Variants in TET3 observed in about 807,000 individuals in gnomAD.
TET3 encodes the protein tet methylcytosine dioxygenase 3.
TET3 carries 19 observed loss-of-function variants against 141.4 expected under a neutral mutation model. The ratio of observed to expected loss-of-function variants is 0.13; its 90% confidence interval spans 0.09 to 0.20. The LOEUF (loss-of-function observed/expected upper bound fraction) is 0.20. Ranked by LOEUF, TET3 falls within the 10% of genes least tolerant of loss-of-function variation. The probability of loss-of-function intolerance (pLI) is 1.00; values close to 1 mark genes in which losing one functional copy is unlikely to be tolerated. For synonymous variants in TET3, 1,043 were observed against 980.9 expected, an observed-to-expected ratio of 1.06 and a Z score of -1.18; for missense variants, 1,874 against 2,356.9, an observed-to-expected ratio of 0.80 and a Z score of 4.24.
chr2:74,085,934 TCTC>T (rs1690130166), intron 6 of TET3, among the ~76,000 whole-genome samples: 1 of 152,308 alleles, frequency 6.6e-6, no homozygotes, highest in South Asian at 2.1e-4. Flanking sequence ...AATCCATTCT[TCTC>T]CTGTTTTCTT....
At chr2:74,130,363 G>A in the TET3 span, among the ~76,000 whole-genome samples, 1 of 152,244 alleles carries the variant, frequency 6.6e-6, no homozygotes, top group African/African-American at 2.4e-5. Flanking sequence ...CCTAAGGGTA[G>A]AGCTGACTCC....
intron 3 of TET3, among the ~76,000 whole-genome samples, chr2:74,037,687 A>G (rs1222516128): frequency 2.0e-5 from 3 of 152,174 alleles, no homozygotes; most frequent in Non-Finnish European, 2.9e-5. Flanking sequence ...TTCTTCTAAT[A>G]TGGTGTGTAA....
At position 74,087,551 on chromosome 2, in the gene TET3, T is replaced by C. The variant is rs1690229233; in HGVS notation, c.2680-279T>C. Among the ~76,000 whole-genome samples, 1 of 152,254 alleles carries C rather than the reference T, an allele frequency of 6.6e-6. No individual in the cohort carries two copies. The highest frequency in any genetic ancestry group is 1.5e-5 in the Non-Finnish European group (1 of 68,050). ...TTTACTCCTAAGCCTATGTAAGTCATCAGCAACTTAGATTTTGTGGTAATT... is the reference window on the plus strand; with the variant it reads ...TTTACTCCTAAGCCTATGTAAGTCACCAGCAACTTAGATTTTGTGGTAATT... On this transcript the variant is annotated intron_variant, in intron 6 of 11. Coordinates refer to ENST00000409262, the MANE Select transcript of TET3 (RefSeq NM_001287491.2). This position sits in a 1 kb window ranked among gnomAD's most constrained non-coding sequence, Gnocchi z 4.3.
intron 10 of TET3, among the ~76,000 whole-genome samples, chr2:74,096,777 A>G (rs868625904): frequency 2.3e-4 from 33 of 145,330 alleles, no homozygotes; most frequent in Middle Eastern, 3.9e-3. Context: ...TCAAAAAAAA[A>G]AAAGAAAGAA....
the TET3 span, among the ~76,000 whole-genome samples, chr2:74,132,244 G>A: frequency 6.6e-6 from 1 of 152,134 alleles, no homozygotes; most frequent in African/African-American, 2.4e-5. Context: ...GGTTAGTCCA[G>A]GTGGCTCCTA....
chr2:73,989,468 C>T (rs752154530), intron 2 of TET3, among the ~76,000 whole-genome samples: 1 of 152,118 alleles, frequency 6.6e-6, no homozygotes, highest in Non-Finnish European at 1.5e-5. Flanking sequence ...TTATATCATC[C>T]TGTAAGGAGG....
the TET3 span, among the ~76,000 whole-genome samples, chr2:74,128,725 T>C: frequency 6.6e-6 from 1 of 150,408 alleles, no homozygotes; most frequent in Admixed American, 6.6e-5. Context: ...GGCTTATGCT[T>C]GTAATCCCAA....
At chr2:73,996,438 C>T (rs1386311527) in intron 2 of TET3, among the ~76,000 whole-genome samples, 1 of 152,132 alleles carries the variant, frequency 6.6e-6, no homozygotes, top group Non-Finnish European at 1.5e-5. Flanking sequence ...GTTGCCACAC[C>T]CAGGGTGGAC....
At chr2:74,130,341 T>C in the TET3 span, among the ~76,000 whole-genome samples, 1 of 152,304 alleles carries the variant, frequency 6.6e-6, no homozygotes, top group East Asian at 1.9e-4. Context: ...GTCAGCTTCC[T>C]GGAATGAGGT....
At position 74,046,381 on chromosome 2, in the gene TET3, C is replaced by T. The variant is rs766359553; in HGVS notation, c.464C>T (p.Pro155Leu). 1.6e-5 allele frequency: 24 copies of T among 1,540,804 alleles called. No individual in the cohort carries two copies. The highest frequency in any genetic ancestry group is 1.5e-4 in the African/African-American group (11 of 72,392). The change falls in exon 4 of 12, where the codon CCG (proline) becomes CTG (leucine). Residue 155 changes from proline (P) to leucine (L), a missense_variant. Coordinates refer to ENST00000409262, the MANE Select transcript of TET3 (RefSeq NM_001287491.2). This position sits in a 1 kb window ranked among gnomAD's most constrained non-coding sequence, Gnocchi z 4.3. ...CGGCAGCTAAGCGCCTCAGGGGTGC[C>T]GGTCAATGGTGCTAGAGAGCCCGCT... ...DSRQLSASGV[P>L]VNGAREPAGP...
chr2:74,041,165 T>A (rs2103626456), intron 3 of TET3, among the ~76,000 whole-genome samples: 1 of 152,310 alleles, frequency 6.6e-6, no homozygotes, highest in South Asian at 2.1e-4. Context: ...TTCTAGTATC[T>A]CTAAGTATTA....
the TET3 span, chr2:74,120,532 G>A: frequency 6.6e-6 from 1 of 152,376 alleles, no homozygotes; most frequent in Non-Finnish European, 1.5e-5. Context: ...CGGCCCTGCA[G>A]GCGTCGTCGC....
chr2:74,073,125 C>A (rs1418512598), intron 4 of TET3, among the ~76,000 whole-genome samples: 2 of 152,166 alleles, frequency 1.3e-5, no homozygotes, highest in Non-Finnish European at 2.9e-5. Flanking sequence ...GGGCTTCTTT[C>A]ACTTAACAAA....
chr2:73,989,282 A>G (rs1021352506), intron 2 of TET3, among the ~76,000 whole-genome samples: 18 of 152,142 alleles, frequency 1.2e-4, no homozygotes, highest in East Asian at 3.8e-4. Context: ...GGCGGGACGC[A>G]GTATCCTAGG....
chr2:74,058,078 G>C (rs1247008038), intron 4 of TET3, among the ~76,000 whole-genome samples: 3 of 152,176 alleles, frequency 2.0e-5, no homozygotes, highest in African/African-American at 7.2e-5. Flanking sequence ...AAGAAGTTGT[G>C]AGAGTTATGG....
chr2:74,132,167 T>C, the TET3 span, among the ~76,000 whole-genome samples: 6 of 152,238 alleles, frequency 3.9e-5, no homozygotes, highest in Non-Finnish European at 7.4e-5. Context: ...GGTAACGCCT[T>C]CTCTCTCCAC....
chr2:73,995,869 A>G (rs945780081), intron 2 of TET3, among the ~76,000 whole-genome samples: 1 of 152,170 alleles, frequency 6.6e-6, no homozygotes, highest in African/African-American at 2.4e-5. Context: ...AGGTCTCTGG[A>G]CAGAACTTTC....
At chr2:74,026,725 CTTT>C (rs879371002) in intron 3 of TET3, among the ~76,000 whole-genome samples, 2 of 144,486 alleles carry the variant, frequency 1.4e-5, no homozygotes, top group Non-Finnish European at 1.5e-5. Flanking sequence ...TCCCCTCCAA[CTTT>C]TTTTTTTTTT....
At chr2:73,987,074 A>G (rs947175306) in intron 2 of TET3, among the ~76,000 whole-genome samples, 1 of 152,166 alleles carries the variant, frequency 6.6e-6, no homozygotes, top group African/African-American at 2.4e-5. Context: ...GTAAGATAAG[A>G]GATGGAGGCT....
Sources: allele counts gnomAD v4.1 joint callset (sites outside exome capture counted in the v4.1 genomes callset), GRCh38; gene constraint gnomAD v4.1.1; non-coding constraint Gnocchi (gnomAD v3.1); transcripts MANE v1.5; gene names NCBI Gene and HGNC (gene_info 2026-07-23, HGNC 2026-07-21).